PUDP: variants seen among roughly 807,000 people sequenced by gnomAD.
PUDP encodes pseudouridine 5'-phosphatase.
In PUDP, 8 loss-of-function variants were observed where a neutral mutation model predicts 9.4. The ratio of observed to expected loss-of-function variants is 0.85; its 90% CI spans 0.50 to 1.53. The LOEUF (loss-of-function observed/expected upper bound fraction) is 1.53. Among genes scored for constraint, PUDP ranks in the 40% most tolerant of loss-of-function variants. The pLI is 0.00. For synonymous variants in PUDP, 99 were observed against 80.7 expected, an observed-to-expected ratio of 1.23 and a Z score of -1.22; for missense variants, 188 against 189.7, an observed-to-expected ratio of 0.99 and a Z score of 0.05.
intron 3 of PUDP, among the ~76,000 whole-genome samples, chrX:6,889,262 T>A (rs1051662834): frequency 4.5e-5 from 5 of 111,867 alleles, no homozygotes; most frequent in Non-Finnish European, 9.4e-5. Flanking sequence ...TTCTTGCATA[T>A]TTGTGATGTT....
At position 6,925,848 on chromosome X, in the gene PUDP, T is replaced by C. The variant is rs755091389; in HGVS notation, c.*247+51285A>G. Among the ~76,000 whole-genome samples the C allele has an allele frequency of 2.7e-5, 3 of 111,778 alleles. No individual in the cohort carries two copies. In the East Asian group the frequency reaches 8.5e-4, roughly 32 times the overall value. ...CTGGAGTGAGCAGAAAGGGATGTTT[T>C]CTGTTAAGATAAGGATGCTGTGTAG... is the stretch of plus-strand genomic sequence containing the variant. On this transcript the variant is annotated intron_variant and NMD_transcript_variant, in intron 3 of 3. Transcript: ENST00000655425.
chrX:6,855,715 A>G (rs778014208), intron 3 of PUDP, among the ~76,000 whole-genome samples: 1 of 112,023 alleles, frequency 8.9e-6, no homozygotes, highest in Non-Finnish European at 1.9e-5. Flanking sequence ...TGATGCAATG[A>G]GTCTAAAAAT....
At chrX:7,147,597 A>T (rs183242272) in intron 1 of PUDP, among the ~76,000 whole-genome samples, 1 of 112,545 alleles carries the variant, frequency 8.9e-6, no homozygotes, top group East Asian at 2.8e-4. Flanking sequence ...ACCTTGGAGC[A>T]GGCAGGCAAG....
chrX:6,722,112 C>T (rs1184784452), upstream of PUDP, among the ~76,000 whole-genome samples: 2 of 108,408 alleles, frequency 1.8e-5, no homozygotes, highest in Non-Finnish European at 3.8e-5. Context: ...CTTCATCGCA[C>T]TACCAAAAAA....
intron 3 of PUDP, among the ~76,000 whole-genome samples, chrX:6,878,862 C>T (rs1013010307): frequency 2.7e-5 from 3 of 111,765 alleles, no homozygotes; most frequent in Middle Eastern, 4.6e-3. Context: ...GCTCCTTGCA[C>T]TAAAGATCAA....
intron 3 of PUDP, among the ~76,000 whole-genome samples, chrX:6,886,139 T>C (rs1381178822): frequency 8.9e-6 from 1 of 112,174 alleles, no homozygotes; most frequent in Non-Finnish European, 1.9e-5. Flanking sequence ...GAGCACATTC[T>C]TCTACTGATA....
rs138602286 is a variant in PUDP, at chrX:6,797,429, G to A, written c.*248-90963C>T. ...TGCATAGTAATGGTGCATGACTCCC[G>A]CAGCTAGGTCATAAAAGAGATTATG... On this transcript the variant is annotated intron_variant and NMD_transcript_variant, in intron 3 of 3. Coordinates refer to the PUDP transcript ENST00000655425. Among the ~76,000 whole-genome samples the A allele has an allele frequency of 1.1e-4, 12 of 111,199 alleles. No homozygotes were observed. The East Asian group carries it at 1.4e-3, about 13-fold the overall frequency.
In PUDP at chrX:7,100,651, C is replaced by T. The variant is rs769690815; in HGVS notation, c.280+4969G>A. 1.9e-3 allele frequency among the ~76,000 whole-genome samples: 208 copies of T among 111,794 alleles called. 1 individual carries two copies. The highest frequency in any genetic ancestry group is 6.1e-3 in the African/African-American group (187 of 30,742). The stretch of plus-strand genomic sequence containing the variant: ...CTGAATCTAGTCACCAGAGCAATGA[C>T]GCTATAAGGTCACCTTCCGAGGGGA... On this transcript the variant is annotated intron_variant, in intron 2 of 3. Coordinates refer to ENST00000381077, the MANE Select transcript of PUDP (RefSeq NM_012080.5).
chrX:6,934,189 C>G (rs1281489638), intron 3 of PUDP, among the ~76,000 whole-genome samples: 1 of 106,393 alleles, frequency 9.4e-6, no homozygotes, highest in Non-Finnish European at 1.9e-5. Context: ...GTCAGATTCA[C>G]CAAAGTTGAA....
intron 3 of PUDP, among the ~76,000 whole-genome samples, chrX:6,920,778 C>A (rs762711925): frequency 8.9e-6 from 1 of 111,816 alleles, no homozygotes; most frequent in Non-Finnish European, 1.9e-5. Flanking sequence ...ACCTTGGGCA[C>A]ACGTCGTCAG....
At chrX:7,027,882 T>A (rs1456988632) in intron 1 of PUDP, among the ~76,000 whole-genome samples, 1 of 80,377 alleles carries the variant, frequency 1.2e-5, no homozygotes, top group South Asian at 6.3e-4. Context: ...AATATATTAT[T>A]TTCTATATAT....
intron 3 of PUDP, among the ~76,000 whole-genome samples, chrX:7,052,827 C>T (rs759012396): frequency 7.3e-4 from 81 of 111,411 alleles, no homozygotes; most frequent in Non-Finnish European, 1.4e-3. Flanking sequence ...CACAGTAGTC[C>T]GTCCCAACAC....
intron 1 of PUDP, among the ~76,000 whole-genome samples, chrX:6,708,760 A>G (rs913844298): frequency 1.8e-5 from 2 of 112,084 alleles, no homozygotes; most frequent in African/African-American, 6.5e-5. Flanking sequence ...GCATCAAGGA[A>G]CAAGCTCTGG....
At chrX:6,709,501 C>T (rs1265521361) in intron 1 of PUDP, among the ~76,000 whole-genome samples, 6 of 112,083 alleles carry the variant, frequency 5.4e-5, no homozygotes, top group Non-Finnish European at 9.4e-5. Context: ...GAATCCCTCA[C>T]TCAACAATGG....
At chrX:6,712,298 G>GTGCCACCA (rs1183545712) in intron 1 of PUDP, among the ~76,000 whole-genome samples, 2 of 111,357 alleles carry the variant, frequency 1.8e-5, no homozygotes, top group African/African-American at 6.5e-5. Context: ...TTACAGGCAT[G>GTGCCACCA]TGCCACCATG....
chrX:6,817,266 G>C (rs1926267177), intron 3 of PUDP, among the ~76,000 whole-genome samples: 1 of 109,374 alleles, frequency 9.1e-6, no homozygotes, highest in African/African-American at 3.3e-5. Flanking sequence ...AGAGATACGG[G>C]ATCACTGTGT....
At chrX:6,896,810 CAG>C (rs1927598910) in intron 3 of PUDP, among the ~76,000 whole-genome samples, 1 of 111,765 alleles carries the variant, frequency 8.9e-6, no homozygotes, top group African/African-American at 3.3e-5. Flanking sequence ...TTTGCTTCTA[CAG>C]AGTTGTTAGG....
intron 2 of PUDP, among the ~76,000 whole-genome samples, chrX:7,101,040 T>A (rs1931715838): frequency 8.9e-6 from 1 of 112,047 alleles, no homozygotes; most frequent in African/African-American, 3.2e-5. Context: ...CAGCATGATT[T>A]TAAGTTTCTT....
At chrX:6,787,803 G>T (rs1340244323) in intron 3 of PUDP, among the ~76,000 whole-genome samples, 1 of 112,046 alleles carries the variant, frequency 8.9e-6, no homozygotes, top group Non-Finnish European at 1.9e-5. Flanking sequence ...TTTATTTTAA[G>T]CTTTGAACTC....
Sources: gnomAD v4.1 joint callset for allele counts (sites outside exome capture counted in the v4.1 genomes callset) on GRCh38, gnomAD v4.1.1 for gene constraint, MANE v1.5 for transcripts, NCBI Gene and HGNC (gene_info 2026-07-23, HGNC 2026-07-21) for gene names.